Variants in BPIFC observed in about 807,000 individuals in gnomAD.
BPIFC encodes the protein BPI fold containing family C.
A neutral mutation model predicts 57.6 loss-of-function variants in BPIFC; 60 were observed. The ratio of observed to expected loss-of-function variants is 1.04; its 90% CI spans 0.85 to 1.29. The LOEUF is 1.29. BPIFC is among the 50% of genes most tolerant of loss of function. BPIFC has a pLI of 0.00. For synonymous variants in BPIFC, 243 were observed against 224.5 expected (o/e 1.08, Z -0.74); for missense variants, 581 against 600.5 (o/e 0.97, Z 0.34).
At chr22:32,435,996 G>T in intron 9 of BPIFC, 116 bp from the exon 10 acceptor site, 1 of 1,202,806 alleles carries the variant, frequency 8.3e-7, no homozygotes, top group Non-Finnish European at 1.1e-6. Flanking sequence ...CGGGCCAGGT[G>T]TGGTGGCTCA....
intron 13 of BPIFC, among the ~76,000 whole-genome samples, chr22:32,425,056 A>G (rs565467588): frequency 1.3e-5 from 2 of 152,254 alleles, no homozygotes; most frequent in African/African-American, 2.4e-5. Context: ...TGCTGAGATT[A>G]TAGGCGTGAG....
intron 11 of BPIFC, among the ~76,000 whole-genome samples, chr22:32,432,894 T>C (rs992582244): frequency 1.3e-5 from 2 of 152,128 alleles, no homozygotes; most frequent in Admixed American, 1.3e-4. Flanking sequence ...GAATAAGTGG[T>C]AGAATTGGGA....
chr22:32,416,679 C>T (rs1933688280), intron 15 of BPIFC, among the ~76,000 whole-genome samples: 1 of 152,152 alleles, frequency 6.6e-6, no homozygotes, highest in African/African-American at 2.4e-5. Flanking sequence ...GGAGAAGGCC[C>T]AGGATTGTCA....
At chr22:32,420,133 C>T (rs933757872) in intron 13 of BPIFC, among the ~76,000 whole-genome samples, 4 of 152,070 alleles carry the variant, frequency 2.6e-5, no homozygotes, top group East Asian at 1.9e-4. Context: ...CCGGCTAACA[C>T]GGTGAAACCC....
chr22:32,446,476 A>G (rs965412805), intron 5 of BPIFC, among the ~76,000 whole-genome samples: 2 of 152,198 alleles, frequency 1.3e-5, no homozygotes, highest in African/African-American at 4.8e-5. Context: ...TACTCAGCAT[A>G]TGGTTGATGA....
intron 4 of BPIFC, among the ~76,000 whole-genome samples, chr22:32,447,902 C>T (rs1289196942): frequency 2.0e-5 from 3 of 151,858 alleles, no homozygotes; most frequent in Non-Finnish European, 4.4e-5. Flanking sequence ...AGACACCTCG[C>T]CTGGCCTAGA....
intron 9 of BPIFC, 120 bp from the exon 10 acceptor site, chr22:32,436,000 T>A: frequency 8.8e-7 from 1 of 1,131,916 alleles, no homozygotes; most frequent in Non-Finnish European, 1.2e-6. Context: ...CCAGGTGTGG[T>A]GGCTCACGCC....
chr22:32,441,832 C>CT (rs1003590674), intron 8 of BPIFC, among the ~76,000 whole-genome samples: 1 of 152,084 alleles, frequency 6.6e-6, no homozygotes, highest in African/African-American at 2.4e-5. Flanking sequence ...TTTCCATGGC[C>CT]TGGGGTTGGG....
chr22:32,414,169 A>C lies in BPIFC; in HGVS notation c.*134T>G. ...CTTATTCTGGGTTCCTGAAGGCTTA[A>C]GAAAGAAAACTTTCTGCCTAAGCAA... On this transcript the variant is annotated 3_prime_UTR_variant, in exon 17 of 17. Coordinates refer to ENST00000300399, the MANE Select transcript of BPIFC (RefSeq NM_174932.3). The C allele has an allele frequency of 2.3e-6, 3 of 1,282,680 alleles. No individual in the cohort carries two copies. Among genetic ancestry groups the C allele is most frequent in the Non-Finnish European group, 3.2e-6 (3 of 936,552 alleles). The allele number at this position is 1,282,680 out of a possible 1,614,324, so 79.5% of individuals were successfully genotyped here. A position where few individuals can be genotyped will look rare whatever the true frequency, so the allele number is the denominator to read the frequency against.
intron 7 of BPIFC, among the ~76,000 whole-genome samples, chr22:32,443,520 G>A (rs1397447798): frequency 1.3e-5 from 2 of 152,188 alleles, no homozygotes; most frequent in African/African-American, 4.8e-5. Flanking sequence ...TTATATCAGA[G>A]ATCTACTTAG....
chr22:32,445,657 A>T lies in BPIFC; in HGVS notation c.572T>A (p.Ile191Asn). Residue 191 changes from isoleucine to asparagine, a missense_variant, in exon 7 of 17, where the codon ATT becomes AAT. Ile to Asn is a moderately radical substitution (Grantham distance 149). Transcript: ENST00000300399. ...CACCATTTCATTTAAGTTCTTTAAAATGGGTTTCTCCATGGGCTCAGCAAA... is the reference window on the plus strand; with the variant it reads ...CACCATTTCATTTAAGTTCTTTAAATTGGGTTTCTCCATGGGCTCAGCAAA... ...NSFAEPMEKP[I>N]LKNLNEMLCP... 2 of 1,544,230 alleles carry T rather than the reference A, an allele frequency of 1.3e-6. No homozygotes were observed. Among genetic ancestry groups the T allele is most frequent in the Non-Finnish European group, 1.7e-6 (2 of 1,144,144 alleles).
intron 8 of BPIFC, among the ~76,000 whole-genome samples, chr22:32,439,939 T>C (rs1236487766): frequency 6.6e-6 from 1 of 152,064 alleles, no homozygotes; most frequent in Non-Finnish European, 1.5e-5. Context: ...TAAAATACTT[T>C]CAAGTTGTTA....
At chr22:32,441,402 C>T (rs1934560572) in intron 8 of BPIFC, among the ~76,000 whole-genome samples, 1 of 152,200 alleles carries the variant, frequency 6.6e-6, no homozygotes, top group East Asian at 1.9e-4. Flanking sequence ...CCTCCCACTA[C>T]TCCCATGACG....
In BPIFC at chr22:32,415,603, G is replaced by A. The variant is rs190045287; in HGVS notation, c.1401+312C>T. 4.4e-3 allele frequency among the ~76,000 whole-genome samples: 670 copies of A among 152,220 alleles called. 2 individuals are homozygous for A. Among genetic ancestry groups the A allele is most frequent in the African/African-American group, 0.015 (641 of 41,526 alleles). ...GTCCTCCTTTCCTCATCTGTAAAAT[G>A]GGACTAATAATTCCAGCCTTACAGA... On this transcript the variant is annotated intron_variant, in intron 16 of 16. Coordinates refer to ENST00000300399, the MANE Select transcript of BPIFC (RefSeq NM_174932.3).
chr22:32,446,623 T>A (rs954982239), intron 5 of BPIFC: 8 of 391,068 alleles, frequency 2.0e-5, no homozygotes, highest in African/African-American at 2.2e-5. Context: ...GGTTGTTGAC[T>A]GACTTAGTGG....
rs779367699 is a variant in BPIFC at position 32,424,642 on chromosome 22, C to T, written c.1218-5238G>A. On this transcript the variant is annotated intron_variant, in intron 13 of 16. Coordinates refer to ENST00000300399, the MANE Select transcript of BPIFC (RefSeq NM_174932.3). ...TCCTCCTCCTCCTCTTCTTCTTCTT[C>T]TCTTCTTCTTCTTCTTCTTCTTCTT... 2.1e-3 allele frequency among the ~76,000 whole-genome samples: 59 copies of T among 28,762 alleles called. 1 individual carries two copies. The highest frequency in any genetic ancestry group is 4.3e-3 in the East Asian group (5 of 1,158). The allele number at this position is 28,762 out of a possible 152,430, so 18.9% of individuals were successfully genotyped here. A position where few individuals can be genotyped will look rare whatever the true frequency, so the allele number is the denominator to read the frequency against.
intron 8 of BPIFC, among the ~76,000 whole-genome samples, chr22:32,438,393 T>C (rs970316986): frequency 2.6e-5 from 4 of 152,186 alleles, no homozygotes; most frequent in African/African-American, 9.7e-5. Flanking sequence ...TTTTGTTTTT[T>C]GTTTTTTGTT....
intron 2 of BPIFC, 112 bp from the exon 3 acceptor site, chr22:32,457,498 A>T: frequency 8.1e-7 from 1 of 1,236,380 alleles, no homozygotes; most frequent in Non-Finnish European, 1.1e-6. Flanking sequence ...CCAGAACTCA[A>T]TACATCCATC....
intron 13 of BPIFC, among the ~76,000 whole-genome samples, chr22:32,430,104 C>T (rs568016681): frequency 6.6e-6 from 1 of 152,186 alleles, no homozygotes; most frequent in Non-Finnish European, 1.5e-5. Flanking sequence ...CTGTGGCCTG[C>T]ACATGGCCTT....
Sources: gnomAD v4.1 joint callset for allele counts (sites outside exome capture counted in the v4.1 genomes callset) on GRCh38, gnomAD v4.1.1 for gene constraint, MANE v1.5 for transcripts, NCBI Gene and HGNC (gene_info 2026-07-23, HGNC 2026-07-21) for gene names.